BBX: variants seen among roughly 807,000 people sequenced by gnomAD.
The protein encoded by BBX is HMG box transcription factor BBX.
BBX carries 30 observed loss-of-function variants against 100.2 expected under a neutral mutation model. That is an observed-to-expected ratio of 0.30 (90% CI 0.22 to 0.41). The LOEUF is 0.41. BBX is among the 10% of genes least tolerant of loss of function. BBX has a pLI of 1.00. For synonymous variants in BBX, 376 were observed against 388.1 expected (o/e 0.97, Z 0.37); for missense variants, 1,023 against 1,129.8 (o/e 0.91, Z 1.35).
At chr3:107,729,430 G>A (rs1362785999) in intron 6 of BBX, among the ~76,000 whole-genome samples, 1 of 152,130 alleles carries the variant, frequency 6.6e-6, no homozygotes, top group Admixed American at 6.6e-5. Flanking sequence ...TGATAGCTGT[G>A]TCTTAGAGAG....
intron 3 of BBX, among the ~76,000 whole-genome samples, chr3:107,694,873 T>G (rs1225355297): frequency 1.3e-5 from 2 of 151,504 alleles, no homozygotes; most frequent in African/African-American, 2.4e-5. Context: ...CAATTTCAGC[T>G]CCTGTTATTG....
At chr3:107,705,999 G>A (rs912810728) in intron 3 of BBX, among the ~76,000 whole-genome samples, 4 of 146,602 alleles carry the variant, frequency 2.7e-5, no homozygotes, top group East Asian at 2.0e-4. Flanking sequence ...CTCAGTAAAC[G>A]TCCTTCATGA....
chr3:107,733,075 A>G (rs1422384209), intron 7 of BBX, 52 bp downstream of exon 7: 2 of 1,500,150 alleles, frequency 1.3e-6, no homozygotes, highest in East Asian at 2.3e-5. Flanking sequence ...GGTTGGGAAC[A>G]CAGTTATAGT....
chr3:107,675,502 G>T (rs914586316), intron 3 of BBX, among the ~76,000 whole-genome samples: 10 of 152,102 alleles, frequency 6.6e-5, no homozygotes, highest in African/African-American at 2.2e-4. Context: ...CACTGATCTG[G>T]ATTGCTCTAC....
chr3:107,774,986 TA>T, intron 12 of BBX, 129 bp downstream of exon 12: 3 of 1,077,652 alleles, frequency 2.8e-6, no homozygotes, highest in Non-Finnish European at 3.8e-6. Context: ...CCTACAATCT[TA>T]GTAGGCACCC....
intron 2 of BBX, among the ~76,000 whole-genome samples, chr3:107,634,842 C>T (rs2056760080): frequency 6.6e-6 from 1 of 152,152 alleles, no homozygotes; most frequent in Non-Finnish European, 1.5e-5. Context: ...TCCACCTTAC[C>T]TCCAGAGAAT....
At chr3:107,660,619 T>A (rs1485317029) in intron 3 of BBX, among the ~76,000 whole-genome samples, 1 of 151,884 alleles carries the variant, frequency 6.6e-6, no homozygotes, top group African/African-American at 2.4e-5. Context: ...TAAAAATTGC[T>A]GAACATGATG....
intron 7 of BBX, among the ~76,000 whole-genome samples, chr3:107,741,119 G>A (rs1055647600): frequency 5.9e-5 from 9 of 151,758 alleles, no homozygotes; most frequent in African/African-American, 1.9e-4. Context: ...GATACTACCA[G>A]TGCAATACTC....
At chr3:107,711,172 C>G (rs765090328) in intron 4 of BBX, 1 of 349,196 alleles carries the variant, frequency 2.9e-6, no homozygotes, top group South Asian at 2.3e-5. Flanking sequence ...CTCAAGTGTT[C>G]GTCCCACCCA....
intron 2 of BBX, among the ~76,000 whole-genome samples, chr3:107,542,568 T>C (rs2048934277): frequency 6.6e-6 from 1 of 152,144 alleles, no homozygotes; most frequent in Non-Finnish European, 1.5e-5. Context: ...TTCAGCAGAG[T>C]TCCTCTTCAC....
chr3:107,523,789 C>T (rs1387908173), intron 1 of BBX: 1 of 152,478 alleles, frequency 6.6e-6, no homozygotes, highest in East Asian at 1.9e-4. Context: ...GGAACAGCAG[C>T]CCAGTTGCTC....
At chr3:107,617,815 G>A (rs2055408771) in intron 2 of BBX, among the ~76,000 whole-genome samples, 1 of 151,782 alleles carries the variant, frequency 6.6e-6, no homozygotes, top group African/African-American at 2.4e-5. Context: ...TTTCTGTATA[G>A]ATTATCATGT....
chr3:107,626,026 T>A (rs1342838669), intron 2 of BBX, among the ~76,000 whole-genome samples: 3 of 152,166 alleles, frequency 2.0e-5, no homozygotes, highest in African/African-American at 7.2e-5. Flanking sequence ...TACACATAAG[T>A]TCTGGACATA....
At chr3:107,573,752 G>A (rs1010064103) in intron 2 of BBX, among the ~76,000 whole-genome samples, 7 of 151,778 alleles carry the variant, frequency 4.6e-5, no homozygotes, top group African/African-American at 1.7e-4. Context: ...TTGAGGTAAG[G>A]TTTCGCTCTT....
intron 5 of BBX, among the ~76,000 whole-genome samples, chr3:107,725,682 T>A (rs747916455): frequency 2.0e-5 from 3 of 152,066 alleles, no homozygotes; most frequent in Non-Finnish European, 4.4e-5. Flanking sequence ...GTAGCAGGAT[T>A]TCTAATGTAT....
intron 8 of BBX, among the ~76,000 whole-genome samples, chr3:107,745,824 G>A (rs186455666): frequency 1.3e-5 from 2 of 152,014 alleles, no homozygotes; most frequent in East Asian, 3.9e-4. Context: ...AAAGCAGAAC[G>A]GCTTAAGAGA....
chr3:107,672,598 A>G (rs986283468), intron 3 of BBX, among the ~76,000 whole-genome samples: 1 of 152,088 alleles, frequency 6.6e-6, no homozygotes, highest in Non-Finnish European at 1.5e-5. Flanking sequence ...AAGCAACCAG[A>G]ATAGAGGAAG....
At chr3:107,587,573 T>C (rs2107579228) in intron 2 of BBX, among the ~76,000 whole-genome samples, 1 of 152,278 alleles carries the variant, frequency 6.6e-6, no homozygotes, top group East Asian at 1.9e-4. Context: ...AGATCCTGTC[T>C]GGGGGAGATG....
intron 2 of BBX, among the ~76,000 whole-genome samples, chr3:107,561,344 A>G (rs939376190): frequency 6.6e-6 from 1 of 152,244 alleles, no homozygotes; most frequent in East Asian, 1.9e-4. Flanking sequence ...GCCAATATCT[A>G]GCAAAAGTTG....
Sources: allele counts gnomAD v4.1 joint callset (sites outside exome capture counted in the v4.1 genomes callset), GRCh38; gene constraint gnomAD v4.1.1; transcripts MANE v1.5; gene names NCBI Gene and HGNC (gene_info 2026-07-23, HGNC 2026-07-21).